CSDE1: variants seen among roughly 807,000 people sequenced by gnomAD.
CSDE1 encodes the protein cold shock domain containing E1, also known as cold shock domain-containing protein E1.
A neutral mutation model predicts 89.3 loss-of-function variants in CSDE1; 17 were observed. The ratio of observed to expected loss-of-function variants is 0.19; its 90% CI spans 0.13 to 0.29. CSDE1 has a LOEUF of 0.29. CSDE1 is among the 10% of genes least tolerant of loss of function. The pLI is 1.00. For missense variants in CSDE1, 672 were observed against 984.2 expected (o/e 0.68, Z 4.24); for synonymous variants, 322 against 332.8 (o/e 0.97, Z 0.35).
chr1:114,738,950 A>AT (rs1364054093), intron 3 of CSDE1, among the ~76,000 whole-genome samples: 2 of 151,620 alleles, frequency 1.3e-5, no homozygotes, highest in East Asian at 3.9e-4. Flanking sequence ...AATGCTGGGA[A>AT]TACAGGCATG....
intron 7 of CSDE1, 46 bp downstream of exon 7, chr1:114,734,396 T>C (rs1660279838): frequency 6.5e-7 from 1 of 1,536,368 alleles, no homozygotes; most frequent in African/African-American, 1.4e-5. Flanking sequence ...AGTACAACAT[T>C]TCAAGTGGCC....
intron 16 of CSDE1, among the ~76,000 whole-genome samples, chr1:114,720,933 CT>C (rs1659485649): frequency 6.6e-6 from 1 of 152,182 alleles, no homozygotes; most frequent in Admixed American, 6.5e-5. Context: ...CCCATCAGTA[CT>C]TTATTAGCTG....
Position 114,747,884 on chromosome 1 carries a change from CT to C in CSDE1, c.-1+1936del, listed in dbSNP as rs1464914431. 2.6e-5 allele frequency among the ~76,000 whole-genome samples: 4 copies of C among 151,900 alleles called. No individual in the cohort carries two copies. The East Asian group carries it at 7.7e-4, about 29-fold the overall frequency. On this transcript the variant is annotated intron_variant, in intron 2 of 19. Coordinates refer to ENST00000358528, the MANE Select transcript of CSDE1 (RefSeq NM_001007553.3). ...GAGAGGAAAAAAAAAAAAATCTAAT[CT>C]TTTATGCTTCAGAACATAAAATTGT...
At chr1:114,725,110 C>T (rs1421967972) in intron 15 of CSDE1, 111 bp downstream of exon 15, 10 of 819,624 alleles carry the variant, frequency 1.2e-5, no homozygotes, top group Non-Finnish European at 2.1e-5. Flanking sequence ...TCTATGGAAT[C>T]GCACATGAGA....
chr1:114,733,608 G>A, intron 9 of CSDE1, 124 bp downstream of exon 9: 2 of 637,972 alleles, frequency 3.1e-6, no homozygotes, highest in Non-Finnish European at 5.0e-6. Context: ...TACGTAACAA[G>A]AGGTCCTTAG....
rs200194985 is a variant in CSDE1, at chr1:114,727,006, T to C, written c.1441A>G (p.Thr481Ala). ...GCCTTATCTCCTATTTGAGGAGAAGTAGATCCTTCCACATCCTTGGCTTGA... is the reference window on the plus strand; with the variant it reads ...GCCTTATCTCCTATTTGAGGAGAAGCAGATCCTTCCACATCCTTGGCTTGA... ...AFQAKDVEGS[T>A]SPQIGDKVEF... The change falls in exon 13 of 20, where the codon ACT becomes GCT. Residue 481 changes from threonine (T) to alanine (A), a missense_variant. Transcript: ENST00000358528. The C allele has an allele frequency of 2.4e-5, 39 of 1,612,794 alleles. No homozygotes were observed. The highest frequency in any genetic ancestry group is 8.3e-5 in the Admixed American group (5 of 60,026).
chr1:114,734,792 AC>A (rs1660303702), intron 6 of CSDE1, among the ~76,000 whole-genome samples: 1 of 152,154 alleles, frequency 6.6e-6, no homozygotes, highest in African/African-American at 2.4e-5. Flanking sequence ...TTTTTTACAA[AC>A]TTACACATGG....
intron 1 of CSDE1, among the ~76,000 whole-genome samples, chr1:114,750,446 C>G (rs1661241611): frequency 6.6e-6 from 1 of 152,196 alleles, no homozygotes; most frequent in South Asian, 2.1e-4. Flanking sequence ...TTATTGACCT[C>G]TTCCCCCAAA....
intron 15 of CSDE1, 44 bp downstream of exon 15, chr1:114,725,177 C>T: frequency 6.8e-7 from 1 of 1,472,688 alleles, no homozygotes; most frequent in Middle Eastern, 1.7e-4. Flanking sequence ...TCCTTTATCT[C>T]CCACTTAAAA....
In CSDE1 at chr1:114,748,161, T is replaced by C. The variant is rs138045994; in HGVS notation, c.-1+1660A>G. ...CACTATTACATAATCCTTCAATAAA[T>C]TGGAAATAAAGTCCTAAGCGCTTCT... On this transcript the variant is annotated intron_variant, in intron 2 of 19. Transcript: ENST00000358528. 3.8e-3 allele frequency among the ~76,000 whole-genome samples: 575 copies of C among 152,332 alleles called. 4 individuals carry two copies. The highest frequency in any genetic ancestry group is 8.1e-3 in the African/African-American group (335 of 41,582).
intron 2 of CSDE1, among the ~76,000 whole-genome samples, chr1:114,744,926 T>C (rs541726649): frequency 1.3e-5 from 2 of 152,308 alleles, no homozygotes; most frequent in South Asian, 2.1e-4. Flanking sequence ...GTTGAATTAC[T>C]GATTAAGTGA....
At chr1:114,727,502 T>C (rs1319332567) in intron 12 of CSDE1, among the ~76,000 whole-genome samples, 1 of 152,214 alleles carries the variant, frequency 6.6e-6, no homozygotes, top group Non-Finnish European at 1.5e-5. Flanking sequence ...ACACAGCACC[T>C]TGCACAGTAT....
At position 114,725,130 on chromosome 1, in the gene CSDE1, GT is replaced by G. The variant is rs796468591; in HGVS notation, c.1753+90del. On this transcript the variant is annotated intron_variant, in intron 15 of 19. Coordinates refer to ENST00000358528, the MANE Select transcript of CSDE1 (RefSeq NM_001007553.3). ...GGAATCGCACATGAGAATGACTGAT[GT>G]AGAATAATTAGGCCTCATCTCCCTC... 148 of 952,830 alleles carry G rather than the reference GT, an allele frequency of 1.6e-4. No individual in the cohort carries two copies. The African/African-American group carries it at 2.2e-3, about 14-fold the overall frequency. 59.0% of individuals were successfully genotyped at this position (952,830 alleles called of 1,614,324 possible).
intron 2 of CSDE1, among the ~76,000 whole-genome samples, chr1:114,741,358 G>C (rs1263303706): frequency 2.0e-5 from 3 of 152,168 alleles, no homozygotes; most frequent in Non-Finnish European, 4.4e-5. Flanking sequence ...ACTTTGGGCA[G>C]TAAGACCCTA....
At position 114,724,707 on chromosome 1, in the gene CSDE1, T is replaced by C. The variant is rs868048565; in HGVS notation, c.1753+514A>G. 5.9e-5 allele frequency among the ~76,000 whole-genome samples: 9 copies of C among 152,320 alleles called. No individual in the cohort carries two copies. The South Asian group carries it at 6.2e-4, about 11-fold the overall frequency. On this transcript the variant is annotated intron_variant, in intron 15 of 19. Transcript: ENST00000358528. ...GCCTCTCTTCCCTACTCCATGGTGA[T>C]GTATACATATCTTGGGGTTATTTTT...
At chr1:114,739,401 T>C (rs1335401595) in intron 3 of CSDE1, among the ~76,000 whole-genome samples, 3 of 152,198 alleles carry the variant, frequency 2.0e-5, no homozygotes, top group Non-Finnish European at 4.4e-5. Flanking sequence ...AGAATAATCA[T>C]AAGTAACATT....
At chr1:114,732,572 T>A in intron 10 of CSDE1, 32 bp downstream of exon 10, 1 of 1,596,716 alleles carries the variant, frequency 6.3e-7, no homozygotes, top group Non-Finnish European at 8.6e-7. Context: ...TTTCGCATAT[T>A]AGATACATAT....
chr1:114,746,257 C>T (rs1302598062), intron 2 of CSDE1, among the ~76,000 whole-genome samples: 3 of 152,048 alleles, frequency 2.0e-5, no homozygotes, highest in African/African-American at 4.8e-5. Flanking sequence ...TTAATGTACC[C>T]GACCAATATA....
At chr1:114,741,493 A>C in intron 2 of CSDE1, 2 of 1,531,288 alleles carry the variant, frequency 1.3e-6, no homozygotes, top group Non-Finnish European at 8.8e-7. Context: ...AACACAAAGC[A>C]AGGTAAGCTG....
Sources: allele counts gnomAD v4.1 joint callset (sites outside exome capture counted in the v4.1 genomes callset), GRCh38; gene constraint gnomAD v4.1.1; transcripts MANE v1.5; gene names NCBI Gene and HGNC (gene_info 2026-07-23, HGNC 2026-07-21).